PCDHGA10: variants seen among roughly 807,000 people sequenced by gnomAD.
PCDHGA10 encodes protocadherin gamma subfamily A, 10, also known as protocadherin gamma-A10.
In PCDHGA10, 42 loss-of-function variants were observed where a neutral mutation model predicts 59.5. That is an observed-to-expected ratio of 0.71 (90% confidence interval 0.55 to 0.91). The LOEUF (loss-of-function observed/expected upper bound fraction) is 0.91, where lower values mean the gene tolerates loss of function less well. Ranked by LOEUF, PCDHGA10 falls within the 40% of genes least tolerant of loss-of-function variation. PCDHGA10 has a pLI of 0.00. For synonymous variants in PCDHGA10, 511 were observed against 517.2 expected (o/e 0.99, Z 0.16); for missense variants, 1,111 against 1,198.2 (o/e 0.93, Z 1.07).
chr5:141,419,275 G>A, intron 1 of PCDHGA10: 26 of 1,613,974 alleles, frequency 1.6e-5, no homozygotes, highest in Non-Finnish European at 2.2e-5. Flanking sequence ...CCTCCATAGC[G>A]CAAGTCAGTG....
chr5:141,431,719 A>G lies in PCDHGA10; in HGVS notation c.2436+16108A>G. On this transcript the variant is annotated intron_variant, in intron 1 of 3. Transcript: ENST00000398610. This position sits in a 1 kb window ranked among gnomAD's most constrained non-coding sequence, Gnocchi z 4.8. ...CAGGATTCTACCAGATGGAAGTGCA[A>G]GCAATGGATAATGCAGGATATTCTG... 6.2e-7 allele frequency: 1 copy of G among 1,614,244 alleles called. No individual in the cohort carries two copies. Among genetic ancestry groups the G allele is most frequent in the Non-Finnish European group, 8.5e-7 (1 of 1,180,050 alleles).
intron 1 of PCDHGA10, among the ~76,000 whole-genome samples, chr5:141,444,400 A>G (rs1400847351): frequency 1.3e-5 from 2 of 151,536 alleles, no homozygotes; most frequent in Admixed American, 6.6e-5. Flanking sequence ...TGAACTCCCA[A>G]CCTCAGGTGA....
rs757876687 is a variant in PCDHGA10 at position 141,413,273 on chromosome 5, G to A, written c.98G>A (p.Arg33Gln). Residue 33 changes from arginine (R) to glutamine (Q), a missense_variant, in exon 1 of 4, where the codon CGG (arginine) becomes CAG (glutamine). By Grantham distance (43) the Arg-to-Gln change is conservative. Coordinates refer to ENST00000398610, the MANE Select transcript of PCDHGA10 (RefSeq NM_018913.3). The stretch of plus-strand genomic sequence containing the variant: ...GGGATTCCATGGGAGGCTGGAGCCC[G>A]GCAGATCTCCTACTCAATTCCTGAG... Reference protein sequence around the residue: ...FFGIPWEAGARQISYSIPEEL... With the variant: ...FFGIPWEAGAQQISYSIPEEL... 4.3e-6 allele frequency: 7 copies of A among 1,613,920 alleles called. No homozygotes were observed. The highest frequency in any genetic ancestry group is 5.9e-6 in the Non-Finnish European group (7 of 1,179,902).
chr5:141,436,817 TA>T (rs1431750380), intron 1 of PCDHGA10, among the ~76,000 whole-genome samples: 1 of 152,244 alleles, frequency 6.6e-6, no homozygotes, highest in Non-Finnish European at 1.5e-5. Context: ...ACAGCTGGTT[TA>T]AAAATCTTAA....
chr5:141,489,707 G>A lies in PCDHGA10; in HGVS notation c.2437-5100G>A. 6.2e-7 allele frequency: 1 copy of A among 1,614,194 alleles called. No individual in the cohort carries two copies. Among genetic ancestry groups the A allele is most frequent in the Non-Finnish European group, 8.5e-7 (1 of 1,180,022 alleles). The stretch of plus-strand genomic sequence containing the variant: ...TCTGGGGCACGATTCCCACTGGACA[G>A]TGCCCAGGATCCGGATGTGGGCACC... On this transcript the variant is annotated intron_variant, in intron 1 of 3. Transcript: ENST00000398610. The surrounding 1 kb of genome is among the most constrained non-coding windows in gnomAD (Gnocchi z 4.5).
chr5:141,482,126 A>G (rs1235540230), intron 1 of PCDHGA10, among the ~76,000 whole-genome samples: 1 of 152,004 alleles, frequency 6.6e-6, no homozygotes, highest in Non-Finnish European at 1.5e-5. Flanking sequence ...TGGGAGAATC[A>G]TATGGCTGGC....
intron 1 of PCDHGA10, chr5:141,427,297 A>G (rs1292641772): frequency 2.2e-6 from 1 of 456,900 alleles, no homozygotes; most frequent in Non-Finnish European, 4.4e-6. Context: ...ATCCTAGATG[A>G]GAATGACAAT....
intron 1 of PCDHGA10, among the ~76,000 whole-genome samples, chr5:141,466,670 G>T (rs994949602): frequency 6.6e-6 from 1 of 152,046 alleles, no homozygotes; most frequent in Non-Finnish European, 1.5e-5. Flanking sequence ...TGATTTCACC[G>T]TTCTTCCACT....
intron 1 of PCDHGA10, chr5:141,417,651 A>C: frequency 1.2e-6 from 1 of 822,038 alleles, no homozygotes; most frequent in African/African-American, 1.7e-5. Context: ...CTCAGCCTCT[A>C]GCCTGGGATT....
At chr5:141,455,534 A>G (rs985347185) in intron 1 of PCDHGA10, among the ~76,000 whole-genome samples, 1 of 152,178 alleles carries the variant, frequency 6.6e-6, no homozygotes, top group Non-Finnish European at 1.5e-5. Flanking sequence ...GACCAGGCAT[A>G]TCATTCACGT....
chr5:141,419,007 GGT>G (rs1181124538), intron 1 of PCDHGA10: 1 of 1,613,978 alleles, frequency 6.2e-7, no homozygotes, highest in South Asian at 1.1e-5. Flanking sequence ...GGGGAAGTCA[GGT>G]GTAGCTTAAG....
intron 1 of PCDHGA10, chr5:141,427,265 C>T (rs767369457): frequency 6.1e-5 from 28 of 456,570 alleles, no homozygotes; most frequent in Non-Finnish European, 1.1e-4. Context: ...GCATGACCAG[C>T]GAATGTAAAA....
intron 1 of PCDHGA10, among the ~76,000 whole-genome samples, chr5:141,448,809 A>G (rs998129053): frequency 9.2e-5 from 14 of 151,812 alleles, no homozygotes; most frequent in Non-Finnish European, 1.8e-4. Flanking sequence ...GCCAGGCGTG[A>G]TGGCGGGCGC....
chr5:141,478,851 C>T, intron 1 of PCDHGA10: 1 of 1,374,810 alleles, frequency 7.3e-7, no homozygotes, highest in Non-Finnish European at 9.6e-7. Context: ...AGCTAAAACA[C>T]AAGATCTCAG....
At chr5:141,472,022 T>C (rs949257396) in intron 1 of PCDHGA10, among the ~76,000 whole-genome samples, 1 of 152,176 alleles carries the variant, frequency 6.6e-6, no homozygotes, top group Non-Finnish European at 1.5e-5. Flanking sequence ...CTATATTGTA[T>C]GTAGAAAGCT....
rs768354664 is a variant in PCDHGA10 at position 141,485,690 on chromosome 5, A to C, written c.2437-9117A>C. On this transcript the variant is annotated intron_variant, in intron 1 of 3. Coordinates refer to ENST00000398610, the MANE Select transcript of PCDHGA10 (RefSeq NM_018913.3). This position sits in a 1 kb window ranked among gnomAD's most constrained non-coding sequence, Gnocchi z 5.7. ...CAATTCGATTAGCAGCTATAGGCTG[A>C]GCTCCAATGAACACTTTGCACTGGA... 1.6e-5 allele frequency: 26 copies of C among 1,614,106 alleles called. No individual in the cohort carries two copies. In the South Asian group the frequency reaches 2.7e-4, roughly 17 times the overall value.
At chr5:141,444,876 G>A (rs921183358) in intron 1 of PCDHGA10, among the ~76,000 whole-genome samples, 1 of 152,186 alleles carries the variant, frequency 6.6e-6, no homozygotes, top group African/African-American at 2.4e-5. Flanking sequence ...GACAAAGCTT[G>A]TAGGATTTTT....
intron 1 of PCDHGA10, among the ~76,000 whole-genome samples, chr5:141,457,729 T>A (rs950979422): frequency 2.0e-5 from 3 of 152,236 alleles, no homozygotes; most frequent in Non-Finnish European, 4.4e-5. Context: ...GAATTTCAGA[T>A]TAGACTTTTA....
At chr5:141,475,218 A>G (rs2154572291) in intron 1 of PCDHGA10, among the ~76,000 whole-genome samples, 1 of 152,326 alleles carries the variant, frequency 6.6e-6, no homozygotes, top group African/African-American at 2.4e-5. Flanking sequence ...GGATTGATCA[A>G]GTAAAGGGAA....
Sources: gnomAD v4.1 joint callset for allele counts (sites outside exome capture counted in the v4.1 genomes callset) on GRCh38, gnomAD v4.1.1 for gene constraint, Gnocchi (gnomAD v3.1) non-coding constraint, MANE v1.5 for transcripts, NCBI Gene and HGNC (gene_info 2026-07-23, HGNC 2026-07-21) for gene names.